The following DOCK7 variants were observed in gnomAD, a reference collection of about 807,000 sequenced individuals.
DOCK7 encodes dedicator of cytokinesis 7, also known as dedicator of cytokinesis protein 7.
Under a neutral mutation model 271.0 loss-of-function variants are expected in DOCK7, and 138 were observed. That is an observed-to-expected ratio of 0.51 (90% CI 0.44 to 0.59). The LOEUF is 0.59. DOCK7 is among the 20% of genes least tolerant of loss of function. The probability of loss-of-function intolerance (pLI) is 0.00; values close to 1 mark genes in which losing one functional copy is unlikely to be tolerated. For synonymous variants in DOCK7, 823 were observed against 876.1 expected, an observed-to-expected ratio of 0.94 and a Z score of 1.07; for missense variants, 2,066 against 2,592.4, an observed-to-expected ratio of 0.80 and a Z score of 4.41.
intron 15 of DOCK7, among the ~76,000 whole-genome samples, chr1:62,585,559 T>C (rs1283805562): frequency 2.0e-5 from 3 of 152,180 alleles, no homozygotes; most frequent in Non-Finnish European, 2.9e-5. Flanking sequence ...TAGTCTGGTC[T>C]CAATCTACTA....
In DOCK7 at chr1:62,602,355, C is replaced by A. The variant is rs1037561116; in HGVS notation, c.1683-15731G>T. The stretch of plus-strand genomic sequence containing the variant: ...ACTTCAATGAAACGTGGGAGAACTA[C>A]AAATATGGTTTTGGGAGGCTTGATG... On this transcript the variant is annotated intron_variant, in intron 14 of 49. Coordinates refer to ENST00000635253, the MANE Select transcript of DOCK7 (RefSeq NM_001367561.1). 5.0e-6 allele frequency: 8 copies of A among 1,610,796 alleles called. No homozygotes were observed. The highest frequency in any genetic ancestry group is 3.3e-5 in the Admixed American group (2 of 59,888).
At chr1:62,510,314 TTGC>T (rs1644446393) in intron 34 of DOCK7, among the ~76,000 whole-genome samples, 1 of 152,226 alleles carries the variant, frequency 6.6e-6, no homozygotes, top group Non-Finnish European at 1.5e-5. Flanking sequence ...CAAAAAATAG[TTGC>T]TGAATGCATT....
intron 14 of DOCK7, among the ~76,000 whole-genome samples, chr1:62,599,075 T>C (rs1292125901): frequency 6.6e-6 from 1 of 152,072 alleles, no homozygotes; most frequent in Non-Finnish European, 1.5e-5. Context: ...CTTATAGGAT[T>C]ATTGTAAGAA....
chr1:62,631,132 C>A (rs1303868635), intron 11 of DOCK7, 108 bp downstream of exon 11: 2 of 991,098 alleles, frequency 2.0e-6, no homozygotes, highest in African/African-American at 3.4e-5. Context: ...TTGCAGTGAG[C>A]CAAGATCGTG....
At chr1:62,556,231 T>C (rs1646137431) in intron 20 of DOCK7, among the ~76,000 whole-genome samples, 1 of 152,064 alleles carries the variant, frequency 6.6e-6, no homozygotes, top group Non-Finnish European at 1.5e-5. Context: ...TATATGGGTT[T>C]GATTAGTCAA....
Position 62,654,007 on chromosome 1 carries a change from A to G in DOCK7, c.297T>C (p.Leu99=), listed in dbSNP as rs763755831. The change falls in exon 3 of 50, where the codon CTT becomes CTC. Residue 99 remains leucine, a synonymous_variant. Coordinates refer to ENST00000635253, the MANE Select transcript of DOCK7 (RefSeq NM_001367561.1). ...VVYSPRDCRT[L]VSAVPEESEM... is the part of the protein sequence containing the mutation. ...ACCTTTCTTCAGGTACAGCTGAAAC[A>G]AGAGTTCTGCAGTCCCGAGGACTAT... 6.2e-7 allele frequency: 1 copy of G among 1,613,662 alleles called. No homozygotes were observed. The highest frequency in any genetic ancestry group is 8.5e-7 in the Non-Finnish European group (1 of 1,179,814).
Position 62,558,977 on chromosome 1 carries a change from A to G in DOCK7, c.2431+12T>C, listed in dbSNP as rs759449733. 6.3e-7 allele frequency: 1 copy of G among 1,593,314 alleles called. No homozygotes were observed. The highest frequency in any genetic ancestry group is 1.1e-5 in the South Asian group (1 of 89,096). On this transcript the variant is annotated intron_variant, in intron 20 of 49. Coordinates refer to ENST00000635253, the MANE Select transcript of DOCK7 (RefSeq NM_001367561.1). ...AAATTTCACGTCTCATCCCCAAACA[A>G]AAGTAAATTACCTATTTGGCCAGCA...
chr1:62,464,299 G>T (rs1645613259), intron 48 of DOCK7, among the ~76,000 whole-genome samples: 1 of 151,366 alleles, frequency 6.6e-6, no homozygotes, highest in Non-Finnish European at 1.5e-5. Flanking sequence ...GACCTCAGGT[G>T]ATCCACCCAC....
chr1:62,615,619 TA>T (rs1652342567), intron 14 of DOCK7, among the ~76,000 whole-genome samples: 1 of 151,724 alleles, frequency 6.6e-6, no homozygotes, highest in South Asian at 2.1e-4. Context: ...TAAATAGGAG[TA>T]ACTCTAATCT....
chr1:62,633,633 A>G (rs1363884576), intron 9 of DOCK7, 55 bp from the exon 10 acceptor site: 7 of 1,232,952 alleles, frequency 5.7e-6, no homozygotes. Context: ...AAATTCAAGG[A>G]TGGTTCAATA....
At chr1:62,597,651 C>CT (rs1557775870) in intron 14 of DOCK7, 1 of 1,613,390 alleles carries the variant, frequency 6.2e-7, no homozygotes, top group Non-Finnish European at 8.5e-7. Context: ...ATTTGATTCT[C>CT]TATCTCCAGA....
At chr1:62,531,805 C>T (rs546988033) in intron 29 of DOCK7, among the ~76,000 whole-genome samples, 1 of 152,192 alleles carries the variant, frequency 6.6e-6, no homozygotes, top group Non-Finnish European at 1.5e-5. Context: ...GAGTTTCTTA[C>T]AGTTAATCCT....
At position 62,612,533 on chromosome 1, in the gene DOCK7, T is replaced by G. The variant is rs376872315; in HGVS notation, c.1682+6173A>C. 3.6e-4 allele frequency among the ~76,000 whole-genome samples: 55 copies of G among 152,272 alleles called. 1 individual carries two copies. In the East Asian group the frequency reaches 6.4e-3, roughly 18 times the overall value. On this transcript the variant is annotated intron_variant, in intron 14 of 49. Transcript: ENST00000635253. ...ACATTCTGCACTTGTATCCCGGAAC[T>G]TAAAGTAAAATAAAATTAAAAAAAA...
intron 41 of DOCK7, among the ~76,000 whole-genome samples, chr1:62,490,600 A>C (rs183569608): frequency 9.2e-5 from 14 of 152,318 alleles, no homozygotes; most frequent in African/African-American, 3.4e-4. Flanking sequence ...TGTTTAGTGT[A>C]ACTAAAATGC....
intron 4 of DOCK7, among the ~76,000 whole-genome samples, chr1:62,649,779 T>C (rs1321342676): frequency 6.6e-6 from 1 of 152,208 alleles, no homozygotes; most frequent in Non-Finnish European, 1.5e-5. Flanking sequence ...CCAGCCACAC[T>C]GTCCTCTTTA....
At chr1:62,469,375 A>G (rs1645765882) in intron 48 of DOCK7, among the ~76,000 whole-genome samples, 1 of 152,232 alleles carries the variant, frequency 6.6e-6, no homozygotes, top group African/African-American at 2.4e-5. Context: ...CATATACAGG[A>G]GAATGAAACT....
chr1:62,468,126 C>T (rs941398535), intron 48 of DOCK7, among the ~76,000 whole-genome samples: 3 of 152,036 alleles, frequency 2.0e-5, no homozygotes, highest in East Asian at 1.9e-4. Context: ...TTTGGGAGGC[C>T]GAGGTGGGCA....
At position 62,549,643 on chromosome 1, in the gene DOCK7, T is replaced by C. The variant is rs546746058; in HGVS notation, c.2766+3089A>G. On this transcript the variant is annotated intron_variant, in intron 22 of 49. Coordinates refer to ENST00000635253, the MANE Select transcript of DOCK7 (RefSeq NM_001367561.1). ...CACCCCAAGCATTTATCCTTTGTGA[T>C]ACAAAGAATCAAATTATATATACAC... is the stretch of plus-strand genomic sequence containing the variant. Among the ~76,000 whole-genome samples, 81 of 152,318 alleles carry C rather than the reference T, an allele frequency of 5.3e-4. No homozygotes were observed. The South Asian group carries it at 9.9e-3, about 19-fold the overall frequency.
At chr1:62,642,474 C>T (rs906817292) in intron 7 of DOCK7, among the ~76,000 whole-genome samples, 3 of 152,160 alleles carry the variant, frequency 2.0e-5, no homozygotes, top group African/African-American at 7.2e-5. Flanking sequence ...GTTCCACTTT[C>T]AAGCCAGTTT....
Sources: allele counts gnomAD v4.1 joint callset (sites outside exome capture counted in the v4.1 genomes callset), GRCh38; gene constraint gnomAD v4.1.1; transcripts MANE v1.5; gene names NCBI Gene and HGNC (gene_info 2026-07-23, HGNC 2026-07-21).